Variants in EPB41L2 observed in about 807,000 individuals in gnomAD.
The protein encoded by EPB41L2 is erythrocyte membrane protein band 4.1 like 2.
EPB41L2 carries 43 observed loss-of-function variants against 113.0 expected under a neutral mutation model. That is an observed-to-expected ratio of 0.38 (90% CI 0.30 to 0.49). The LOEUF (loss-of-function observed/expected upper bound fraction) is 0.49. Ranked by LOEUF, EPB41L2 falls within the 20% of genes least tolerant of loss-of-function variation. The pLI is 0.95. For missense variants in EPB41L2, 1,147 were observed against 1,223.4 expected, an observed-to-expected ratio of 0.94 and a Z score of 0.93; for synonymous variants, 442 against 436.7, an observed-to-expected ratio of 1.01 and a Z score of -0.15.
intron 1 of EPB41L2, among the ~76,000 whole-genome samples, chr6:131,018,588 C>G (rs950306672): frequency 2.0e-5 from 3 of 152,110 alleles, no homozygotes; most frequent in Admixed American, 1.3e-4. Context: ...TTATGATGTT[C>G]TGTGTGTCCC....
intron 1 of EPB41L2, among the ~76,000 whole-genome samples, chr6:131,011,474 A>G (rs1018051367): frequency 6.6e-6 from 1 of 152,192 alleles, no homozygotes; most frequent in African/African-American, 2.4e-5. Context: ...TTTCTTCAAG[A>G]TCTTCTGAAA....
At chr6:130,843,916 T>C (rs1219541993) in intron 19 of EPB41L2, among the ~76,000 whole-genome samples, 1 of 152,138 alleles carries the variant, frequency 6.6e-6, no homozygotes, top group Non-Finnish European at 1.5e-5. Context: ...CAATGAGCAG[T>C]GGTGAAAAAA....
chr6:130,992,538 A>G (rs1427789155), intron 1 of EPB41L2, among the ~76,000 whole-genome samples: 1 of 152,152 alleles, frequency 6.6e-6, no homozygotes, highest in Non-Finnish European at 1.5e-5. Flanking sequence ...AATGAACTCA[A>G]TACAGCCATC....
Position 130,901,112 on chromosome 6 carries a change from T to G in EPB41L2, c.998A>C (p.His333Pro). The G allele has an allele frequency of 6.2e-7, 1 of 1,614,006 alleles. No homozygotes were observed. The highest frequency in any genetic ancestry group is 8.5e-7 in the Non-Finnish European group (1 of 1,179,976). The stretch of plus-strand genomic sequence containing the variant: ...CAGGGTGTAGGATCCCAGGAGAGCA[T>G]GAGTCACAAAAGAGCAGGGCAGGCG... The part of the protein sequence containing the change: ...SGRLPCSFVT[H>P]ALLGSYTLQA... Residue 333 changes from histidine (H) to proline (P), a missense_variant, in exon 7 of 20, where the codon CAT becomes CCT. Transcript: ENST00000337057.
chr6:130,872,279 G>T, intron 14 of EPB41L2: 1 of 979,986 alleles, frequency 1.0e-6, no homozygotes. Context: ...ACCAATGAAA[G>T]CACTGGAGGG....
chr6:131,043,337 A>T (rs1017257259), intron 1 of EPB41L2, among the ~76,000 whole-genome samples: 4 of 152,068 alleles, frequency 2.6e-5, no homozygotes, highest in Non-Finnish European at 4.4e-5. Flanking sequence ...AATAAATCCA[A>T]ACATCCTTAC....
chr6:130,899,390 C>T, intron 8 of EPB41L2, 101 bp downstream of exon 8: 1 of 914,416 alleles, frequency 1.1e-6, no homozygotes, highest in Non-Finnish European at 1.7e-6. Flanking sequence ...AAGCAAATAT[C>T]CTTTTCCCAA....
chr6:130,988,248 A>G (rs548001734), intron 1 of EPB41L2, among the ~76,000 whole-genome samples: 2 of 152,352 alleles, frequency 1.3e-5, no homozygotes, highest in Admixed American at 6.5e-5. Flanking sequence ...AAGAAGAATA[A>G]CTAAAAAATA....
chr6:130,908,949 T>G, intron 4 of EPB41L2, 86 bp from the exon 5 acceptor site: 1 of 1,076,070 alleles, frequency 9.3e-7, no homozygotes, highest in East Asian at 2.4e-5. Flanking sequence ...TATTTAAGTG[T>G]AAACACATTT....
At chr6:131,037,162 T>C (rs1032002959) in intron 1 of EPB41L2, among the ~76,000 whole-genome samples, 6 of 152,248 alleles carry the variant, frequency 3.9e-5, no homozygotes, top group African/African-American at 1.4e-4. Context: ...TATTACAACT[T>C]TCATTTCATT....
chr6:130,899,479 C>A lies in EPB41L2; in HGVS notation c.1236+12G>T. 1 of 1,610,516 alleles carries A rather than the reference C, an allele frequency of 6.2e-7. No homozygotes were observed. Reference sequence around the variant, plus strand: ...ACTACTATGATGCTACTCCCCGTTACATTTACAGTACCTTGGCATGATGTA... The same window carrying A: ...ACTACTATGATGCTACTCCCCGTTAAATTTACAGTACCTTGGCATGATGTA... On this transcript the variant is annotated intron_variant, in intron 8 of 19. Coordinates refer to ENST00000337057, the MANE Select transcript of EPB41L2 (RefSeq NM_001431.4).
intron 1 of EPB41L2, among the ~76,000 whole-genome samples, chr6:131,037,724 G>C (rs1333899210): frequency 6.6e-6 from 1 of 151,874 alleles, no homozygotes; most frequent in Non-Finnish European, 1.5e-5. Context: ...GAGTAGCTGG[G>C]ACAACAGGCA....
At chr6:130,990,858 G>C (rs189575980) in intron 1 of EPB41L2, among the ~76,000 whole-genome samples, 17 of 141,054 alleles carry the variant, frequency 1.2e-4, no homozygotes, top group African/African-American at 4.1e-4. Context: ...GTGGAGTCTC[G>C]CTCTGCCGCC....
chr6:131,004,868 C>T (rs1045187007), intron 1 of EPB41L2, among the ~76,000 whole-genome samples: 4 of 152,192 alleles, frequency 2.6e-5, no homozygotes, highest in African/African-American at 9.7e-5. Flanking sequence ...CCACTGCCAG[C>T]ATCTGTCCAG....
chr6:130,986,117 C>T (rs528928497), intron 1 of EPB41L2, among the ~76,000 whole-genome samples: 3 of 152,020 alleles, frequency 2.0e-5, no homozygotes, highest in South Asian at 2.1e-4. Context: ...GATCATATGT[C>T]GTGGGCAAGT....
chr6:130,943,574 G>T (rs977348357), intron 3 of EPB41L2, among the ~76,000 whole-genome samples: 3 of 152,214 alleles, frequency 2.0e-5, no homozygotes, highest in Admixed American at 2.0e-4. Context: ...TTCTTCAAAA[G>T]TATGTCAGGA....
Position 130,956,125 on chromosome 6 carries a change from C to G in EPB41L2, c.361G>C (p.Glu121Gln). ...VLDKEEPLPE[E>Q]QRQAKGDAEE... is the part of the protein sequence containing the mutation. The stretch of plus-strand genomic sequence containing the variant: ...GCATCACCCTTAGCCTGTCTCTGTT[C>G]TTCTGGAAGGGGTTCCTCTTTATCT... Residue 121 changes from glutamate (E) to glutamine (Q), a missense_variant, in exon 2 of 20, where the codon GAA becomes CAA. Physicochemically the swap from Glu to Gln is conservative, Grantham distance 29. Transcript: ENST00000337057. 6.2e-7 allele frequency: 1 copy of G among 1,614,122 alleles called. No homozygotes were observed. Among genetic ancestry groups the G allele is most frequent in the South Asian group, 1.1e-5 (1 of 91,078 alleles).
At chr6:130,933,356 T>C (rs1022153807) in intron 3 of EPB41L2, among the ~76,000 whole-genome samples, 16 of 152,168 alleles carry the variant, frequency 1.1e-4, no homozygotes, top group African/African-American at 2.7e-4. Flanking sequence ...CAAATACACT[T>C]CAAAAAGAAA....
chr6:131,062,718 TC>T (rs2128212452), intron 1 of EPB41L2: 1 of 151,794 alleles, frequency 6.6e-6, no homozygotes, highest in East Asian at 2.0e-4. Context: ...GCCGGATTTT[TC>T]CCGCTGTTGC....
Sources: allele counts gnomAD v4.1 joint callset (sites outside exome capture counted in the v4.1 genomes callset), GRCh38; gene constraint gnomAD v4.1.1; transcripts MANE v1.5; gene names NCBI Gene and HGNC (gene_info 2026-07-23, HGNC 2026-07-21).